RSU1: variants seen among roughly 807,000 people sequenced by gnomAD.
RSU1 encodes rsu-1.
In RSU1, 26 loss-of-function variants were observed where a neutral mutation model predicts 31.1. That is an observed-to-expected ratio of 0.84 (90% CI 0.61 to 1.16). RSU1 has a LOEUF of 1.16. RSU1 is among the 50% of genes most tolerant of loss of function. The pLI is 0.00. For synonymous variants in RSU1, 164 were observed against 136.3 expected (o/e 1.20, Z -1.41); for missense variants, 320 against 339.1 (o/e 0.94, Z 0.44).
At chr10:16,756,787 C>T (rs549097030) in intron 4 of RSU1, among the ~76,000 whole-genome samples, 1 of 151,828 alleles carries the variant, frequency 6.6e-6, no homozygotes, top group East Asian at 1.9e-4. Context: ...ATGTGTTGCT[C>T]AAGGGTCAAT....
chr10:16,702,016 T>C (rs888143848), intron 7 of RSU1, among the ~76,000 whole-genome samples: 2 of 152,240 alleles, frequency 1.3e-5, no homozygotes, highest in Non-Finnish European at 2.9e-5. Flanking sequence ...AATCTTGTTT[T>C]TCCTTGCCAG....
At chr10:16,753,962 T>C (rs1365248837) in intron 5 of RSU1, among the ~76,000 whole-genome samples, 2 of 152,160 alleles carry the variant, frequency 1.3e-5, no homozygotes, top group Admixed American at 1.3e-4. Flanking sequence ...GGTCTCTCTA[T>C]GTTGCCCAGG....
intron 2 of RSU1, among the ~76,000 whole-genome samples, chr10:16,807,538 T>G (rs1453121790): frequency 2.6e-5 from 4 of 152,126 alleles, no homozygotes; most frequent in Non-Finnish European, 5.9e-5. Flanking sequence ...ATCATTCCAT[T>G]CTATTGAGAT....
At chr10:16,776,788 C>A (rs11254175) in intron 3 of RSU1, among the ~76,000 whole-genome samples, 19 of 148,532 alleles carry the variant, frequency 1.3e-4, no homozygotes, top group African/African-American at 4.8e-4. Flanking sequence ...TAATCCTCAA[C>A]ACACATGGGT....
Position 16,799,549 on chromosome 10 carries a change from G to C in RSU1, c.109+17424C>G, listed in dbSNP as rs144906086. On this transcript the variant is annotated intron_variant, in intron 2 of 8. Transcript: ENST00000345264. Reference sequence around the variant, plus strand: ...CAAAAACAACAACAAGTTCCTGGGGGCCCGGTCTTAAGGGGTCTCCTGTAC... The same window carrying C: ...CAAAAACAACAACAAGTTCCTGGGGCCCCGGTCTTAAGGGGTCTCCTGTAC... Among the ~76,000 whole-genome samples, 176 of 152,168 alleles carry C rather than the reference G, an allele frequency of 1.2e-3. 2 individuals carry two copies. The highest frequency in any genetic ancestry group is 4.0e-3 in the African/African-American group (165 of 41,504).
At chr10:16,602,363 G>A (rs997986493) in intron 8 of RSU1, among the ~76,000 whole-genome samples, 2 of 152,176 alleles carry the variant, frequency 1.3e-5, no homozygotes, top group Non-Finnish European at 2.9e-5. Context: ...ACAACCCAGC[G>A]AGGAAGCTCC....
intron 8 of RSU1, among the ~76,000 whole-genome samples, chr10:16,605,811 T>C (rs1833794353): frequency 6.6e-6 from 1 of 152,194 alleles, no homozygotes; most frequent in Non-Finnish European, 1.5e-5. Flanking sequence ...TCATTTTTCT[T>C]GCCTTTTTGA....
chr10:16,662,989 A>G (rs909114798), intron 8 of RSU1, among the ~76,000 whole-genome samples: 42 of 145,988 alleles, frequency 2.9e-4, no homozygotes, highest in Non-Finnish European at 1.2e-4. Context: ...AAAAAAAAAA[A>G]CCCTCTAAGT....
intron 8 of RSU1, among the ~76,000 whole-genome samples, chr10:16,668,318 A>C (rs940407215): frequency 6.6e-6 from 1 of 152,224 alleles, no homozygotes; most frequent in African/African-American, 2.4e-5. Context: ...TAAAAGACCT[A>C]AAATCTGCAG....
chr10:16,785,880 C>T (rs905129550), intron 2 of RSU1, among the ~76,000 whole-genome samples: 4 of 152,114 alleles, frequency 2.6e-5, no homozygotes, highest in Non-Finnish European at 4.4e-5. Flanking sequence ...AAAAGGAGGA[C>T]GGGTACTTTG....
intron 3 of RSU1, among the ~76,000 whole-genome samples, chr10:16,774,227 A>T (rs1448400762): frequency 1.3e-5 from 2 of 152,216 alleles, no homozygotes; most frequent in Non-Finnish European, 2.9e-5. Flanking sequence ...GGCACTTATC[A>T]ATATTTTTTA....
rs190295040 is a variant in RSU1 at position 16,758,304 on chromosome 10, T to A, written c.282-3315A>T. ...CCAGGTGGATGGTGACATGGTGGGT[T>A]CTCTCTCTGCAGAATGAAGGATGGA... On this transcript the variant is annotated intron_variant, in intron 4 of 8. Coordinates refer to ENST00000345264, the MANE Select transcript of RSU1 (RefSeq NM_012425.4). 1.2e-3 allele frequency among the ~76,000 whole-genome samples: 188 copies of A among 152,280 alleles called. 1 individual carries two copies. Among genetic ancestry groups the A allele is most frequent in the African/African-American group, 3.8e-3 (156 of 41,564 alleles).
chr10:16,683,376 T>C (rs1237056802), intron 8 of RSU1, among the ~76,000 whole-genome samples: 1 of 152,234 alleles, frequency 6.6e-6, no homozygotes, highest in Non-Finnish European at 1.5e-5. Context: ...TGTGTTTGTA[T>C]ATTATTTCAT....
chr10:16,777,170 T>C (rs1479085974), intron 3 of RSU1, among the ~76,000 whole-genome samples: 4 of 152,134 alleles, frequency 2.6e-5, no homozygotes, highest in Admixed American at 6.6e-5. Context: ...CGAATCAGCA[T>C]AAATATGCAC....
intron 8 of RSU1, among the ~76,000 whole-genome samples, chr10:16,687,269 A>T (rs1182025454): frequency 6.6e-6 from 1 of 152,156 alleles, no homozygotes; most frequent in Non-Finnish European, 1.5e-5. Context: ...CCTTCATAGG[A>T]TTAGGGGATG....
At chr10:16,635,765 T>G (rs1417547467) in intron 8 of RSU1, among the ~76,000 whole-genome samples, 6 of 152,242 alleles carry the variant, frequency 3.9e-5, no homozygotes, top group Non-Finnish European at 7.3e-5. Context: ...GAATAAACTC[T>G]TCAAGGGCTT....
At chr10:16,621,786 G>C (rs1455225516) in intron 8 of RSU1, among the ~76,000 whole-genome samples, 1 of 152,076 alleles carries the variant, frequency 6.6e-6, no homozygotes, top group East Asian at 1.9e-4. Context: ...CCTCCCACTG[G>C]GTCCCTCCCA....
At chr10:16,726,912 G>A (rs1841452097) in intron 7 of RSU1, 1 of 383,486 alleles carries the variant, frequency 2.6e-6, no homozygotes, top group Admixed American at 2.9e-5. Flanking sequence ...CATGCAGAAG[G>A]GCGTTGCATA....
intron 7 of RSU1, among the ~76,000 whole-genome samples, chr10:16,697,169 C>T (rs1468774438): frequency 6.6e-6 from 1 of 152,108 alleles, no homozygotes; most frequent in Non-Finnish European, 1.5e-5. Flanking sequence ...AACTGGACAA[C>T]AGTGACCACG....
Sources: gnomAD v4.1 joint callset for allele counts (sites outside exome capture counted in the v4.1 genomes callset) on GRCh38, gnomAD v4.1.1 for gene constraint, MANE v1.5 for transcripts, NCBI Gene and HGNC (gene_info 2026-07-23, HGNC 2026-07-21) for gene names.